Variants in EEFSEC observed in about 807,000 individuals in gnomAD.
EEFSEC encodes eukaryotic elongation factor, selenocysteine-tRNA specific, also known as selenocysteine-specific elongation factor.
A neutral mutation model predicts 42.1 loss-of-function variants in EEFSEC; 43 were observed. The ratio of observed to expected loss-of-function variants is 1.02; its 90% CI spans 0.80 to 1.32. The LOEUF is 1.32. Ranked by LOEUF, EEFSEC falls within the 40% of genes most tolerant of loss-of-function variation. The pLI, the probability that EEFSEC is intolerant of heterozygous loss-of-function variation, is 0.00. For synonymous variants in EEFSEC, 354 were observed against 339.1 expected, an observed-to-expected ratio of 1.04 and a Z score of -0.48; for missense variants, 745 against 803.6, an observed-to-expected ratio of 0.93 and a Z score of 0.88.
intron 6 of EEFSEC, among the ~76,000 whole-genome samples, chr3:128,376,244 C>T (rs1459563587): frequency 6.6e-6 from 1 of 152,208 alleles, no homozygotes; most frequent in East Asian, 1.9e-4. Context: ...CTTTTGCAAC[C>T]CTGCATCCCC....
At chr3:128,364,261 C>T (rs1286291957) in intron 6 of EEFSEC, among the ~76,000 whole-genome samples, 8 of 152,144 alleles carry the variant, frequency 5.3e-5, no homozygotes, top group African/African-American at 1.7e-4. Context: ...AAGGTGCTTT[C>T]CCTGTGGGAC....
chr3:128,203,900 T>C (rs2065667359), intron 1 of EEFSEC, among the ~76,000 whole-genome samples: 1 of 152,250 alleles, frequency 6.6e-6, no homozygotes, highest in Non-Finnish European at 1.5e-5. Context: ...CCAGGAATTC[T>C]TAACAGGAAA....
intron 4 of EEFSEC, among the ~76,000 whole-genome samples, chr3:128,275,540 T>C (rs768342535): frequency 6.6e-6 from 1 of 152,036 alleles, no homozygotes; most frequent in Non-Finnish European, 1.5e-5. Context: ...GAGCCCTCAG[T>C]GGGGCTGGGG....
chr3:128,375,712 A>G (rs942280224), intron 6 of EEFSEC, among the ~76,000 whole-genome samples: 6 of 152,266 alleles, frequency 3.9e-5, no homozygotes, highest in Admixed American at 1.3e-4. Context: ...CCAGTGCCAC[A>G]TCGGCTTCTC....
intron 6 of EEFSEC, among the ~76,000 whole-genome samples, chr3:128,383,850 CAGAG>C (rs1381458902): frequency 2.0e-5 from 3 of 152,246 alleles, no homozygotes; most frequent in Non-Finnish European, 4.4e-5. Context: ...TGAGCGGTGA[CAGAG>C]AGTAGCTGGT....
chr3:128,357,678 G>A (rs1255667468), intron 5 of EEFSEC, among the ~76,000 whole-genome samples: 1 of 152,152 alleles, frequency 6.6e-6, no homozygotes, highest in African/African-American at 2.4e-5. Flanking sequence ...AAACCAGAGT[G>A]AGGAGGCCAG....
intron 4 of EEFSEC, among the ~76,000 whole-genome samples, chr3:128,313,843 A>T (rs2066915964): frequency 6.6e-6 from 1 of 152,252 alleles, no homozygotes; most frequent in African/African-American, 2.4e-5. Context: ...TGCAGTGATT[A>T]GAGTTAAGTC....
At chr3:128,416,400 C>T in the EEFSEC span, among the ~76,000 whole-genome samples, 1 of 152,200 alleles carries the variant, frequency 6.6e-6, no homozygotes, top group East Asian at 1.9e-4. Context: ...CCCAGCTCCA[C>T]ACGCAGTCTC....
chr3:128,169,604 AT>A (rs2065275387), intron 1 of EEFSEC, among the ~76,000 whole-genome samples: 1 of 152,114 alleles, frequency 6.6e-6, no homozygotes, highest in Non-Finnish European at 1.5e-5. Flanking sequence ...GGATGGGCTG[AT>A]GTGGAATCAG....
intron 6 of EEFSEC, among the ~76,000 whole-genome samples, chr3:128,407,258 T>C (rs1040358701): frequency 7.2e-5 from 11 of 152,138 alleles, no homozygotes; most frequent in African/African-American, 1.2e-4. Context: ...AAGCAACTCA[T>C]AGAGGTAGCT....
At chr3:128,384,644 C>T (rs2107617542) in intron 6 of EEFSEC, among the ~76,000 whole-genome samples, 1 of 152,248 alleles carries the variant, frequency 6.6e-6, no homozygotes, top group Middle Eastern at 3.4e-3. Context: ...ACCCCTGAGC[C>T]CCTAGGGAAT....
At chr3:128,332,167 C>A (rs941007584) in intron 4 of EEFSEC, among the ~76,000 whole-genome samples, 8 of 147,530 alleles carry the variant, frequency 5.4e-5, no homozygotes, top group African/African-American at 2.1e-4. Flanking sequence ...ATGTTATATA[C>A]ACACACATGT....
rs551268095 is a variant in EEFSEC, at chr3:128,262,274, G to T, written c.621+50G>T. On this transcript the variant is annotated intron_variant, in intron 3 of 6. Transcript: ENST00000254730. Reference sequence around the variant, plus strand: ...GCCCTTTAGCCCCAGCGCTGCTCAGGCCAGCCCCTTTGTGTCCCTCTCTCC... The same window carrying T: ...GCCCTTTAGCCCCAGCGCTGCTCAGTCCAGCCCCTTTGTGTCCCTCTCTCC... 423 of 1,536,494 alleles carry T rather than the reference G, an allele frequency of 2.8e-4. 6 individuals carry two copies. In the South Asian group the frequency reaches 4.4e-3, roughly 16 times the overall value.
At chr3:128,267,788 A>G (rs2811538) in intron 4 of EEFSEC, among the ~76,000 whole-genome samples, 128,028 of 152,226 alleles carry the variant, frequency 0.84, 54,305 homozygotes, top group East Asian at 0.99. Context: ...CTTAGCAGCA[A>G]CCAGAAATAG....
chr3:128,422,773 A>G, the EEFSEC span, among the ~76,000 whole-genome samples: 1 of 152,226 alleles, frequency 6.6e-6, no homozygotes, highest in Non-Finnish European at 1.5e-5. Context: ...CACTCAGACC[A>G]GAAGCCCAGA....
intron 1 of EEFSEC, among the ~76,000 whole-genome samples, chr3:128,207,063 G>C (rs957121621): frequency 3.9e-5 from 6 of 152,198 alleles, no homozygotes; most frequent in African/African-American, 1.4e-4. Context: ...GTGAAGAAGA[G>C]TACTTCTACT....
the EEFSEC span, among the ~76,000 whole-genome samples, chr3:128,425,979 G>A: frequency 6.6e-6 from 1 of 152,244 alleles, no homozygotes; most frequent in Admixed American, 6.5e-5. Flanking sequence ...TTATTATGCT[G>A]TGACTCAGCG....
intron 6 of EEFSEC, among the ~76,000 whole-genome samples, chr3:128,376,869 C>T (rs2067715701): frequency 6.6e-6 from 1 of 152,130 alleles, no homozygotes; most frequent in Non-Finnish European, 1.5e-5. Flanking sequence ...TTGTTCTGCA[C>T]CCAAAGGTTT....
chr3:128,342,836 C>T (rs1323483451), intron 5 of EEFSEC, among the ~76,000 whole-genome samples: 1 of 152,240 alleles, frequency 6.6e-6, no homozygotes, highest in Non-Finnish European at 1.5e-5. Flanking sequence ...TCCCATGGGG[C>T]ATCCATCCCC....
Sources: allele counts gnomAD v4.1 joint callset (sites outside exome capture counted in the v4.1 genomes callset), GRCh38; gene constraint gnomAD v4.1.1; transcripts MANE v1.5; gene names NCBI Gene and HGNC (gene_info 2026-07-23, HGNC 2026-07-21).